Variants in PHTF2 observed in about 807,000 individuals in gnomAD.
PHTF2 encodes the protein protein PHTF2.
PHTF2 carries 60 observed loss-of-function variants against 101.2 expected under a neutral mutation model. That is an observed-to-expected ratio of 0.59 (90% CI 0.48 to 0.73). PHTF2 has a LOEUF of 0.73. PHTF2 is among the 30% of genes least tolerant of loss of function. The pLI, the probability that PHTF2 is intolerant of heterozygous loss-of-function variation, is 0.00. For synonymous variants in PHTF2, 311 were observed against 307.3 expected (o/e 1.01, Z -0.13); for missense variants, 747 against 908.7 (o/e 0.82, Z 2.29).
chr7:77,892,808 G>A (rs749591202), intron 3 of PHTF2, among the ~76,000 whole-genome samples: 2 of 152,170 alleles, frequency 1.3e-5, no homozygotes, highest in African/African-American at 4.8e-5. Context: ...AAAAATAGAA[G>A]CTGTAAGAAA....
At chr7:77,876,082 A>G (rs1296295020) in intron 3 of PHTF2, among the ~76,000 whole-genome samples, 1 of 152,190 alleles carries the variant, frequency 6.6e-6, no homozygotes, top group African/African-American at 2.4e-5. Context: ...TCTGGGCCAT[A>G]GTATCTGCAC....
intron 17 of PHTF2, among the ~76,000 whole-genome samples, 169 bp from the exon 17 acceptor site, chr7:77,951,445 AGTT>A (rs1396847488): frequency 6.6e-6 from 1 of 152,148 alleles, no homozygotes; most frequent in Admixed American, 6.5e-5. Flanking sequence ...TTTGAGAAAC[AGTT>A]ATTATTTTCC....
In PHTF2 at chr7:77,852,243, G is replaced by A. The variant is rs146249329; in HGVS notation, c.46-2490G>A. 1.2e-3 allele frequency among the ~76,000 whole-genome samples: 181 copies of A among 152,328 alleles called. 3 individuals carry two copies. The highest frequency in any genetic ancestry group is 6.8e-3 in the Middle Eastern group (2 of 294). ...ATGGTGGCTCCCGCCTGTATTCCCA[G>A]CACTTTCGGAGGCTGAGGCAGGCAG... is the stretch of plus-strand genomic sequence containing the variant. On this transcript the variant is annotated intron_variant, in intron 2 of 19. Transcript: ENST00000416283.
At chr7:77,914,081 A>C (rs368281937) in intron 9 of PHTF2, among the ~76,000 whole-genome samples, 3 of 149,500 alleles carry the variant, frequency 2.0e-5, no homozygotes, top group Non-Finnish European at 4.5e-5. Flanking sequence ...AAAAAAAAAA[A>C]GGAAAAAAAA....
chr7:77,944,887 AAC>A (rs1805918974), intron 16 of PHTF2, among the ~76,000 whole-genome samples: 2 of 152,256 alleles, frequency 1.3e-5, no homozygotes, highest in Non-Finnish European at 2.9e-5. Context: ...TGACTTTTAA[AAC>A]ACAATGAACA....
chr7:77,829,943 G>C (rs1170500591), intron 1 of PHTF2, among the ~76,000 whole-genome samples: 3 of 152,168 alleles, frequency 2.0e-5, no homozygotes, highest in Non-Finnish European at 1.5e-5. Flanking sequence ...GAAAAAGTAT[G>C]TTTGTTTATG....
At chr7:77,849,471 A>G (rs114499241) in intron 2 of PHTF2, among the ~76,000 whole-genome samples, 1,873 of 152,152 alleles carry the variant, frequency 0.012, 38 homozygotes, top group African/African-American at 0.042. Flanking sequence ...GCTCTGTAGT[A>G]TAATTTGAAG....
At chr7:77,885,365 G>C (rs934382068) in intron 3 of PHTF2, among the ~76,000 whole-genome samples, 3 of 152,092 alleles carry the variant, frequency 2.0e-5, no homozygotes. Flanking sequence ...GCCTTGCAAG[G>C]TGCTCATATT....
intron 3 of PHTF2, among the ~76,000 whole-genome samples, chr7:77,889,495 A>G (rs1738379504): frequency 6.6e-6 from 1 of 152,022 alleles, no homozygotes; most frequent in African/African-American, 2.4e-5. Flanking sequence ...TAGGTTAACC[A>G]GCGTCCTCAC....
At chr7:77,869,475 A>G (rs1371785228) in intron 3 of PHTF2, among the ~76,000 whole-genome samples, 2 of 152,192 alleles carry the variant, frequency 1.3e-5, no homozygotes, top group African/African-American at 4.8e-5. Context: ...TATAGCTCCC[A>G]TATATGAGAA....
intron 1 of PHTF2, among the ~76,000 whole-genome samples, chr7:77,827,136 A>G (rs1257996867): frequency 6.6e-6 from 1 of 152,212 alleles, no homozygotes; most frequent in East Asian, 1.9e-4. Context: ...CATGTAGATA[A>G]AAGTTAAAAT....
intron 9 of PHTF2, among the ~76,000 whole-genome samples, chr7:77,916,900 G>T (rs1224059513): frequency 6.6e-6 from 1 of 152,138 alleles, no homozygotes; most frequent in East Asian, 1.9e-4. Flanking sequence ...ATTTGAGGTT[G>T]GTTGAATCCA....
chr7:77,939,449 A>G (rs1805443188), intron 13 of PHTF2, among the ~76,000 whole-genome samples: 1 of 152,050 alleles, frequency 6.6e-6, no homozygotes, highest in Non-Finnish European at 1.5e-5. Context: ...TTACATCTCT[A>G]CAAAACCCAA....
intron 3 of PHTF2, among the ~76,000 whole-genome samples, chr7:77,864,127 G>A (rs1797870539): frequency 6.6e-6 from 1 of 152,156 alleles, no homozygotes; most frequent in African/African-American, 2.4e-5. Flanking sequence ...GGGGAGCCAA[G>A]ATGTAAACAA....
At chr7:77,819,559 G>A (rs558082866) in intron 1 of PHTF2, among the ~76,000 whole-genome samples, 11 of 152,228 alleles carry the variant, frequency 7.2e-5, no homozygotes, top group South Asian at 2.1e-4. Flanking sequence ...TTGTTGAACC[G>A]TCCTTGCGTT....
At chr7:77,887,426 G>T (rs6465869) in intron 3 of PHTF2, among the ~76,000 whole-genome samples, 23,133 of 146,650 alleles carry the variant, frequency 0.16, 2,449 homozygotes, top group African/African-American at 0.31. Context: ...TATTGTTGTT[G>T]TTTTTTTTTA....
chr7:77,845,592 T>G (rs1796213201), intron 2 of PHTF2, among the ~76,000 whole-genome samples: 2 of 152,238 alleles, frequency 1.3e-5, no homozygotes, highest in Non-Finnish European at 2.9e-5. Context: ...GTTGGGAACT[T>G]TAAATTTTCC....
intron 9 of PHTF2, among the ~76,000 whole-genome samples, chr7:77,912,710 CTTTTTTTTTTTTTTTT>C (rs536966733): frequency 1.4e-3 from 111 of 80,460 alleles, no homozygotes; most frequent in Non-Finnish European, 1.9e-3. Flanking sequence ...AGAGAACCAC[CTTTTTTTTTTTTTTTT>C]TTTTTTTTTT....
At chr7:77,850,760 C>T (rs1796697098) in intron 2 of PHTF2, among the ~76,000 whole-genome samples, 2 of 151,886 alleles carry the variant, frequency 1.3e-5, no homozygotes, top group African/African-American at 2.4e-5. Flanking sequence ...GAAAGTCTTT[C>T]AGCTTTTCCC....
Sources: gnomAD v4.1 joint callset for allele counts (sites outside exome capture counted in the v4.1 genomes callset) on GRCh38, gnomAD v4.1.1 for gene constraint, MANE v1.5 for transcripts, NCBI Gene and HGNC (gene_info 2026-07-23, HGNC 2026-07-21) for gene names.